The following SGCD variants were observed in gnomAD, a reference collection of about 807,000 sequenced individuals.
SGCD encodes sarcoglycan delta, also known as delta-sarcoglycan.
SGCD carries 18 observed loss-of-function variants against 36.6 expected under a neutral mutation model. That is an observed-to-expected ratio of 0.49 (90% CI 0.34 to 0.73). The LOEUF (loss-of-function observed/expected upper bound fraction) is 0.73. Among genes scored for constraint, SGCD ranks in the 30% least tolerant of loss-of-function variants. The probability of loss-of-function intolerance (pLI) is 0.01; values close to 1 mark genes in which losing one functional copy is unlikely to be tolerated. For missense variants in SGCD, 387 were observed against 346.7 expected, an observed-to-expected ratio of 1.12 and a Z score of -0.92; for synonymous variants, 133 against 130.6, an observed-to-expected ratio of 1.02 and a Z score of -0.12.
the SGCD span, among the ~76,000 whole-genome samples, chr5:155,797,296 T>C: frequency 6.6e-6 from 1 of 152,208 alleles, no homozygotes; most frequent in Non-Finnish European, 1.5e-5. Flanking sequence ...CAATCTAATT[T>C]TGATAAATGG....
chr5:155,951,924 A>G (rs1464364177), intron 1 of SGCD, among the ~76,000 whole-genome samples: 1 of 152,206 alleles, frequency 6.6e-6, no homozygotes, highest in Non-Finnish European at 1.5e-5. Flanking sequence ...TCCTCTGACC[A>G]CAAATCAGAA....
intron 7 of SGCD, among the ~76,000 whole-genome samples, chr5:156,701,945 A>G (rs1024701912): frequency 2.6e-5 from 4 of 152,214 alleles, no homozygotes; most frequent in African/African-American, 4.8e-5. Flanking sequence ...CACACAAAAA[A>G]TCAGATAGGT....
intron 1 of SGCD, among the ~76,000 whole-genome samples, chr5:155,875,894 T>C (rs112867729): frequency 2.0e-5 from 3 of 151,990 alleles, no homozygotes; most frequent in Non-Finnish European, 2.9e-5. Context: ...TGCATATCAT[T>C]GTGATATTTC....
At chr5:156,162,885 A>G (rs1445323426) in intron 3 of SGCD, among the ~76,000 whole-genome samples, 1 of 151,590 alleles carries the variant, frequency 6.6e-6, no homozygotes, top group Non-Finnish European at 1.5e-5. Context: ...ATAATAGCCC[A>G]CACACTAACC....
At chr5:156,197,142 G>T (rs1041663853) in intron 3 of SGCD, among the ~76,000 whole-genome samples, 1 of 151,924 alleles carries the variant, frequency 6.6e-6, no homozygotes, top group East Asian at 1.9e-4. Context: ...ATAAATCTTC[G>T]CATATATTCT....
At chr5:156,038,599 A>G (rs1234990712) in intron 1 of SGCD, among the ~76,000 whole-genome samples, 1 of 151,926 alleles carries the variant, frequency 6.6e-6, no homozygotes, top group Non-Finnish European at 1.5e-5. Flanking sequence ...GTAAAAAAAA[A>G]AATGGCTCCC....
chr5:155,861,468 C>T, the SGCD span, among the ~76,000 whole-genome samples: 2 of 151,596 alleles, frequency 1.3e-5, no homozygotes, highest in East Asian at 1.9e-4. Context: ...TTTGGGAGGC[C>T]GAGGCGGGCG....
At chr5:155,898,762 G>A (rs1052751543) in intron 1 of SGCD, among the ~76,000 whole-genome samples, 4 of 152,164 alleles carry the variant, frequency 2.6e-5, no homozygotes, top group African/African-American at 7.2e-5. Context: ...AAACAAGCTC[G>A]TGAGGTTGCT....
At chr5:155,892,198 C>T (rs1278578969) in intron 1 of SGCD, among the ~76,000 whole-genome samples, 1 of 152,124 alleles carries the variant, frequency 6.6e-6, no homozygotes, top group East Asian at 1.9e-4. Context: ...TGGCTCACGC[C>T]TGTAGTCCCA....
chr5:156,077,936 T>C (rs1219473118), intron 1 of SGCD, among the ~76,000 whole-genome samples: 1 of 152,186 alleles, frequency 6.6e-6, no homozygotes, highest in Non-Finnish European at 1.5e-5. Context: ...ACAGGGCAAT[T>C]AATCTTTCAA....
At position 156,717,894 on chromosome 5, in the gene SGCD, C is replaced by G. The variant is rs116069255; in HGVS notation, c.576-39687C>G. 8.4e-3 allele frequency among the ~76,000 whole-genome samples: 1,277 copies of G among 151,816 alleles called. 23 individuals carry two copies. The highest frequency in any genetic ancestry group is 0.029 in the African/African-American group (1,184 of 41,100). On this transcript the variant is annotated intron_variant, in intron 7 of 8. Coordinates refer to ENST00000337851, the MANE Select transcript of SGCD (RefSeq NM_000337.6). ...TGTGCCTCCTGACCAACCCCCAAGG[C>G]TTTCCTATGTGACCCCTCTTGAGTG...
chr5:155,966,680 A>G (rs1374209900), intron 1 of SGCD, among the ~76,000 whole-genome samples: 1 of 152,220 alleles, frequency 6.6e-6, no homozygotes, highest in East Asian at 1.9e-4. Context: ...CATTTCTAAA[A>G]TGGAAGTGAT....
chr5:156,761,692 G>A lies in SGCD; in HGVS notation c.*2302G>A, dbSNP rs1275824953. Reference sequence around the variant, plus strand: ...TCATTAATCTTTAGATGACAAAAAAGCAAAAAGTTCCCAGAACGTTTTTGC... The same window carrying A: ...TCATTAATCTTTAGATGACAAAAAAACAAAAAGTTCCCAGAACGTTTTTGC... On this transcript the variant is annotated 3_prime_UTR_variant, in exon 9 of 9. Coordinates refer to ENST00000337851, the MANE Select transcript of SGCD (RefSeq NM_000337.6). 1.3e-5 allele frequency: 2 copies of A among 152,104 alleles called. No homozygotes were observed. The highest frequency in any genetic ancestry group is 2.9e-5 in the Non-Finnish European group (2 of 68,010). 9.4% of individuals were successfully genotyped at this position (152,104 alleles called of 1,614,324 possible). A position where few individuals can be genotyped will look rare whatever the true frequency, so the allele number is the denominator to read the frequency against.
intron 3 of SGCD, among the ~76,000 whole-genome samples, chr5:156,376,548 T>C (rs1770680198): frequency 6.6e-6 from 1 of 152,204 alleles, no homozygotes; most frequent in Non-Finnish European, 1.5e-5. Context: ...ACATTGACCC[T>C]AATGAGATTG....
intron 1 of SGCD, among the ~76,000 whole-genome samples, chr5:156,106,369 T>C (rs552799958): frequency 6.6e-6 from 1 of 152,232 alleles, no homozygotes; most frequent in South Asian, 2.1e-4. Flanking sequence ...GGCGAATGCT[T>C]TGCTGTGGCA....
At chr5:156,751,415 C>G (rs1163818791) in intron 7 of SGCD, among the ~76,000 whole-genome samples, 1 of 151,530 alleles carries the variant, frequency 6.6e-6, no homozygotes, top group Non-Finnish European at 1.5e-5. Context: ...AAGGATTGCT[C>G]AGGTAAGACA....
chr5:156,673,029 G>A (rs115012881), intron 7 of SGCD, among the ~76,000 whole-genome samples: 3 of 152,232 alleles, frequency 2.0e-5, no homozygotes, highest in African/African-American at 4.8e-5. Flanking sequence ...TGCCCTACAC[G>A]TCTTCATTTT....
intron 7 of SGCD, among the ~76,000 whole-genome samples, chr5:156,703,290 GAAAAT>G (rs1397698479): frequency 6.6e-6 from 1 of 151,704 alleles, no homozygotes; most frequent in African/African-American, 2.4e-5. Flanking sequence ...TAAAACAAGA[GAAAAT>G]AAAACAGATT....
Position 156,757,638 on chromosome 5 carries a change from T to G in SGCD, c.633T>G (p.Asn211Lys), listed in dbSNP as rs756882037. The G allele has an allele frequency of 6.2e-7, 1 of 1,611,226 alleles. No individual in the cohort carries two copies. Among genetic ancestry groups the G allele is most frequent in the Non-Finnish European group, 8.5e-7 (1 of 1,178,792 alleles). ...VMEAPKGVEI[N>K]AEAGNMEATC... is the part of the protein sequence containing the mutation. ...AGGCCCCAAAAGGAGTGGAAATCAA[T>G]GCAGAAGCTGGCAATATGGAAGCCA... is the stretch of plus-strand genomic sequence containing the variant. Residue 211 changes from asparagine to lysine, a missense_variant, in exon 8 of 9, where the codon AAT becomes AAG. Coordinates refer to ENST00000337851, the MANE Select transcript of SGCD (RefSeq NM_000337.6).
Sources: gnomAD v4.1 joint callset for allele counts (sites outside exome capture counted in the v4.1 genomes callset) on GRCh38, gnomAD v4.1.1 for gene constraint, MANE v1.5 for transcripts, NCBI Gene and HGNC (gene_info 2026-07-23, HGNC 2026-07-21) for gene names.